PARN: variants seen among roughly 807,000 people sequenced by gnomAD.
The protein encoded by PARN is poly(A)-specific ribonuclease PARN.
PARN carries 71 observed loss-of-function variants against 102.8 expected under a neutral mutation model. That is an observed-to-expected ratio of 0.69 (90% CI 0.57 to 0.84). PARN has a LOEUF of 0.84. PARN is among the 40% of genes least tolerant of loss of function. The pLI is 0.00. For missense variants in PARN, 782 were observed against 760.9 expected (o/e 1.03, Z -0.33); for synonymous variants, 261 against 252.9 (o/e 1.03, Z -0.30).
intron 10 of PARN, 27 bp downstream of exon 10, chr16:14,606,457 T>C (rs776456081): frequency 9.3e-6 from 13 of 1,400,714 alleles, no homozygotes; most frequent in African/African-American, 1.4e-5. Context: ...GTGTTTAATG[T>C]TAGCCCTAGA....
At chr16:14,449,928 T>G (rs1007527589) in intron 22 of PARN, among the ~76,000 whole-genome samples, 1 of 152,182 alleles carries the variant, frequency 6.6e-6, no homozygotes, top group African/African-American at 2.4e-5. Flanking sequence ...GGAGGGAATG[T>G]GGCAATATCT....
Position 14,565,292 on chromosome 16 carries a change from TG to T in PARN, c.1263-9584del, listed in dbSNP as rs1202154350. Reference sequence around the variant, plus strand: ...ATCAGTTATTTTAATTTCACTCAGGTGGGGGGAATACAGTTTTCAATCTAGC... The same window carrying T: ...ATCAGTTATTTTAATTTCACTCAGGTGGGGGAATACAGTTTTCAATCTAGC... On this transcript the variant is annotated intron_variant, in intron 18 of 23. Transcript: ENST00000437198. Among the ~76,000 whole-genome samples, 3 of 151,362 alleles carry T rather than the reference TG, an allele frequency of 2.0e-5. No homozygotes were observed. The South Asian group carries it at 6.2e-4, about 32-fold the overall frequency.
chr16:14,573,755 C>T (rs1438579037), intron 18 of PARN, among the ~76,000 whole-genome samples: 6 of 152,090 alleles, frequency 3.9e-5, no homozygotes, highest in Non-Finnish European at 7.4e-5. Flanking sequence ...GTTTTAAAAA[C>T]GGGAGGTTCC....
chr16:14,621,728 G>A (rs573433284), intron 5 of PARN, among the ~76,000 whole-genome samples: 5 of 150,804 alleles, frequency 3.3e-5, no homozygotes, highest in Admixed American at 1.3e-4. Flanking sequence ...GGAGAATGGC[G>A]TGAACACGGG....
At chr16:14,565,730 C>T (rs1596687383) in intron 18 of PARN, among the ~76,000 whole-genome samples, 1 of 152,240 alleles carries the variant, frequency 6.6e-6, no homozygotes, top group East Asian at 1.9e-4. Context: ...CTTATAGACA[C>T]TGTGTGCTAT....
intron 18 of PARN, 77 bp downstream of exon 18, chr16:14,580,797 C>A: frequency 1.2e-6 from 1 of 808,536 alleles, no homozygotes; most frequent in South Asian, 1.7e-5. Context: ...CTCCCAATAA[C>A]TCCAAACTGA....
chr16:14,517,790 T>C (rs1965529986), intron 21 of PARN, among the ~76,000 whole-genome samples: 1 of 152,170 alleles, frequency 6.6e-6, no homozygotes, highest in Non-Finnish European at 1.5e-5. Flanking sequence ...GTGACTCTCG[T>C]ACCTTGGCTT....
intron 18 of PARN, among the ~76,000 whole-genome samples, chr16:14,556,169 TATC>T (rs895489568): frequency 1.3e-5 from 2 of 149,424 alleles, no homozygotes; most frequent in East Asian, 4.0e-4. Context: ...TTATTATTAT[TATC>T]ATTTTGAGAC....
At chr16:14,496,792 G>A (rs1310053495) in intron 21 of PARN, among the ~76,000 whole-genome samples, 1 of 152,124 alleles carries the variant, frequency 6.6e-6, no homozygotes, top group Non-Finnish European at 1.5e-5. Context: ...ACCAATCATG[G>A]TTTATAGGGA....
At chr16:14,556,802 T>G (rs538764592) in intron 18 of PARN, among the ~76,000 whole-genome samples, 31 of 152,274 alleles carry the variant, frequency 2.0e-4, no homozygotes, top group African/African-American at 7.5e-4. Context: ...TTCTTTTTTT[T>G]TAATGAAATG....
intron 13 of PARN, among the ~76,000 whole-genome samples, chr16:14,591,570 T>C (rs1736286805): frequency 6.6e-6 from 1 of 152,050 alleles, no homozygotes; most frequent in Non-Finnish European, 1.5e-5. Context: ...GAGCTAAGAG[T>C]TGTGACAGAA....
Position 14,540,390 on chromosome 16 carries a change from G to T in PARN, c.1480+11631C>A, listed in dbSNP as rs528848047. Among the ~76,000 whole-genome samples the T allele has an allele frequency of 2.6e-5, 4 of 152,082 alleles. No individual in the cohort carries two copies. In the East Asian group the frequency reaches 7.7e-4, roughly 29 times the overall value. On this transcript the variant is annotated intron_variant, in intron 21 of 23. Transcript: ENST00000437198. ...AAGAATAAATAAACAGTAACACACT[G>T]GCCAACTACAAAAGGCACCAAAGGT...
rs1596486046 is a variant in PARN at position 14,482,821 on chromosome 16, T to C, written c.1487A>G (p.Asn496Ser). 1.9e-6 allele frequency: 3 copies of C among 1,605,640 alleles called. No homozygotes were observed. The South Asian group carries it at 3.4e-5, about 18-fold the overall frequency. ...ATAGCTTTCTGCATATTTGCTGGTA[T>C]TGACAGCTACAAGGAAAAGAAAAAA... The part of the protein sequence containing the change: ...SQPEQVKIAV[N>S]TSKYAESYRI... Residue 496 changes from asparagine to serine, a missense_variant, in exon 22 of 24, where the codon AAT (asparagine) becomes AGT (serine). Physicochemically the swap from Asn to Ser is conservative, Grantham distance 46. Transcript: ENST00000437198.
At chr16:14,544,999 T>C (rs1306582045) in intron 21 of PARN, among the ~76,000 whole-genome samples, 1 of 152,050 alleles carries the variant, frequency 6.6e-6, no homozygotes, top group East Asian at 1.9e-4. Flanking sequence ...TCAGCCTGCG[T>C]AACATGGTGA....
At chr16:14,462,914 C>A (rs1270147400) in intron 22 of PARN, among the ~76,000 whole-genome samples, 2 of 152,182 alleles carry the variant, frequency 1.3e-5, no homozygotes, top group Admixed American at 1.3e-4. Context: ...CCCTGAGAGA[C>A]AGGAAACTAA....
chr16:14,482,968 G>A (rs1273253736), intron 21 of PARN, 141 bp from the exon 22 acceptor site: 1 of 593,324 alleles, frequency 1.7e-6, no homozygotes, highest in African/African-American at 1.9e-5. Context: ...CCACCTGGAA[G>A]ACAAATGACC....
At chr16:14,586,416 A>G in intron 13 of PARN, 55 bp from the exon 14 acceptor site, 3 of 1,028,846 alleles carry the variant, frequency 2.9e-6, no homozygotes, top group Non-Finnish European at 4.5e-6. Context: ...CGCAGTATTA[A>G]AAAACATGTA....
intron 21 of PARN, among the ~76,000 whole-genome samples, chr16:14,493,386 T>G (rs1233158838): frequency 6.6e-6 from 1 of 152,148 alleles, no homozygotes; most frequent in African/African-American, 2.4e-5. Flanking sequence ...TGGCTGATTT[T>G]TGTATTTTCT....
intron 16 of PARN, among the ~76,000 whole-genome samples, chr16:14,582,820 A>T (rs1969612645): frequency 6.6e-6 from 1 of 152,108 alleles, no homozygotes; most frequent in South Asian, 2.1e-4. Context: ...TGATAATCAA[A>T]CCTTCTTCAA....
Sources: gnomAD v4.1 joint callset for allele counts (sites outside exome capture counted in the v4.1 genomes callset) on GRCh38, gnomAD v4.1.1 for gene constraint, MANE v1.5 for transcripts, NCBI Gene and HGNC (gene_info 2026-07-23, HGNC 2026-07-21) for gene names.